THSD7B: variants seen among roughly 807,000 people sequenced by gnomAD.
THSD7B encodes thrombospondin type-1 domain-containing protein 7B.
Under a neutral mutation model 213.6 loss-of-function variants are expected in THSD7B, and 138 were observed. That is an observed-to-expected ratio of 0.65 (90% CI 0.56 to 0.74). The LOEUF is 0.74. THSD7B is among the 30% of genes least tolerant of loss of function. The pLI, the probability that THSD7B is intolerant of heterozygous loss-of-function variation, is 0.00. For missense variants in THSD7B, 1,931 were observed against 1,991.5 expected (o/e 0.97, Z 0.58); for synonymous variants, 742 against 687.0 (o/e 1.08, Z -1.25).
At chr2:137,163,879 G>A (rs978365758) in intron 6 of THSD7B, among the ~76,000 whole-genome samples, 1 of 152,176 alleles carries the variant, frequency 6.6e-6, no homozygotes, top group African/African-American at 2.4e-5. Flanking sequence ...GGCCATGTTG[G>A]CAGTAAGGAT....
At chr2:136,824,247 A>G (rs964400998) in intron 1 of THSD7B, among the ~76,000 whole-genome samples, 6 of 152,080 alleles carry the variant, frequency 3.9e-5, no homozygotes, top group African/African-American at 1.2e-4. Flanking sequence ...ATACTCATTC[A>G]TTACATATAT....
chr2:137,060,437 C>G (rs192891394), intron 3 of THSD7B, among the ~76,000 whole-genome samples: 4 of 151,724 alleles, frequency 2.6e-5, no homozygotes, highest in African/African-American at 9.7e-5. Flanking sequence ...TCACTAAACC[C>G]AAAGTCAACT....
chr2:137,652,795 CACTTAGATTGCA>C (rs1683164725), intron 21 of THSD7B, among the ~76,000 whole-genome samples: 1 of 152,206 alleles, frequency 6.6e-6, no homozygotes, highest in South Asian at 2.1e-4. Context: ...ATGACAAGTT[CACTTAGATTGCA>C]AAGAAAATAA....
chr2:137,546,796 C>T (rs1209040501), intron 15 of THSD7B, among the ~76,000 whole-genome samples: 1 of 151,426 alleles, frequency 6.6e-6, no homozygotes, highest in Non-Finnish European at 1.5e-5. Context: ...ATTTTGTGGT[C>T]TTAATTGTTT....
chr2:137,470,189 A>G (rs984520220), intron 15 of THSD7B, among the ~76,000 whole-genome samples: 6 of 152,172 alleles, frequency 3.9e-5, no homozygotes, highest in Non-Finnish European at 8.8e-5. Context: ...TCACTTTCCC[A>G]GAACCTATTA....
rs1043224131 is a variant in THSD7B at position 137,141,258 on chromosome 2, A to G, written c.1370-18955A>G. Among the ~76,000 whole-genome samples, 5 of 152,142 alleles carry G rather than the reference A, an allele frequency of 3.3e-5. No individual in the cohort carries two copies. The East Asian group carries it at 9.6e-4, about 29-fold the overall frequency. ...TGAGCATTACCACAGCTCTGTGGTA[A>G]ACTAAGAGTGTGTCAGTGCCAGCTA... is the stretch of plus-strand genomic sequence containing the variant. On this transcript the variant is annotated intron_variant, in intron 5 of 27. Transcript: ENST00000409968.
intron 27 of THSD7B, among the ~76,000 whole-genome samples, chr2:137,675,885 A>C (rs575336897): frequency 1.3e-5 from 2 of 152,168 alleles, no homozygotes; most frequent in East Asian, 3.9e-4. Context: ...CAAGAAGTGT[A>C]CTGCAGGGTG....
At chr2:137,401,641 T>G (rs1267645079) in intron 12 of THSD7B, among the ~76,000 whole-genome samples, 1 of 151,144 alleles carries the variant, frequency 6.6e-6, no homozygotes, top group East Asian at 1.9e-4. Context: ...TTTCTTTTTT[T>G]TTTTTTTTTT....
chr2:137,539,581 G>A (rs2105190366), intron 15 of THSD7B, among the ~76,000 whole-genome samples: 1 of 151,764 alleles, frequency 6.6e-6, no homozygotes. Flanking sequence ...CTGGTCATGT[G>A]CAAACAGCTT....
Position 137,405,705 on chromosome 2 carries a change from A to G in THSD7B, c.2593A>G (p.Thr865Ala). Residue 865 changes from threonine (T) to alanine (A), a missense_variant, in exon 13 of 28, where the codon ACA becomes GCA. Physicochemically the swap from Thr to Ala is moderately conservative, Grantham distance 58 (BLOSUM62 0). Coordinates refer to ENST00000409968, the MANE Select transcript of THSD7B (RefSeq NM_001316349.2). ...NGMPLLVQEC[T>A]VPCREDCTFT... is the part of the protein sequence containing the mutation. ...CATGCCTCTCCTTGTGCAAGAATGC[A>G]CAGTCCCATGTCGAGAAGACTGCAC... 1 of 1,613,810 alleles carries G rather than the reference A, an allele frequency of 6.2e-7. No homozygotes were observed. Among genetic ancestry groups the G allele is most frequent in the South Asian group, 1.1e-5 (1 of 91,074 alleles).
At chr2:137,638,351 T>G (rs1682872995) in intron 20 of THSD7B, among the ~76,000 whole-genome samples, 2 of 152,072 alleles carry the variant, frequency 1.3e-5, no homozygotes, top group East Asian at 1.9e-4. Flanking sequence ...TTATCAGGGG[T>G]TTCCGCTTTT....
intron 1 of THSD7B, among the ~76,000 whole-genome samples, chr2:136,843,753 C>T (rs894107707): frequency 1.1e-4 from 17 of 152,132 alleles, no homozygotes; most frequent in Admixed American, 6.6e-5. Flanking sequence ...TTTCTCTGTA[C>T]TGAGTAGGCA....
intron 5 of THSD7B, among the ~76,000 whole-genome samples, chr2:137,129,615 A>C (rs988302589): frequency 6.6e-6 from 1 of 151,954 alleles, no homozygotes; most frequent in Non-Finnish European, 1.5e-5. Context: ...AATTTAAAAA[A>C]ATAGCTTTAG....
chr2:137,220,987 C>T (rs1253272481), intron 7 of THSD7B, among the ~76,000 whole-genome samples: 1 of 152,090 alleles, frequency 6.6e-6, no homozygotes, highest in Non-Finnish European at 1.5e-5. Flanking sequence ...GGAAGCAAAA[C>T]TATAGGGACA....
chr2:137,208,448 G>A (rs1681032779), intron 7 of THSD7B, among the ~76,000 whole-genome samples: 1 of 151,754 alleles, frequency 6.6e-6, no homozygotes, highest in Admixed American at 6.6e-5. Flanking sequence ...TTTTTATTTT[G>A]TCGTGCTTTA....
chr2:136,872,838 A>G (rs955601392), intron 1 of THSD7B, among the ~76,000 whole-genome samples: 3 of 141,340 alleles, frequency 2.1e-5, no homozygotes, highest in African/African-American at 7.8e-5. Flanking sequence ...AAAAAAAAAA[A>G]GCCAGGCATG....
At chr2:137,222,837 A>G (rs966123143) in intron 7 of THSD7B, among the ~76,000 whole-genome samples, 1 of 152,168 alleles carries the variant, frequency 6.6e-6, no homozygotes, top group Non-Finnish European at 1.5e-5. Flanking sequence ...GAGTGTTAGC[A>G]TAAGCCTGGA....
At chr2:137,238,525 C>T (rs1681818863) in intron 9 of THSD7B, among the ~76,000 whole-genome samples, 1 of 136,974 alleles carries the variant, frequency 7.3e-6, no homozygotes, top group Non-Finnish European at 1.6e-5. Context: ...GATAATGACA[C>T]TCATCTTTCT....
intron 2 of THSD7B, among the ~76,000 whole-genome samples, chr2:137,009,856 C>T (rs1047492713): frequency 6.6e-6 from 1 of 152,158 alleles, no homozygotes; most frequent in Non-Finnish European, 1.5e-5. Context: ...CACACATTGC[C>T]AATGTTCCCA....
Sources: allele counts gnomAD v4.1 joint callset (sites outside exome capture counted in the v4.1 genomes callset), GRCh38; gene constraint gnomAD v4.1.1; transcripts MANE v1.5; gene names NCBI Gene and HGNC (gene_info 2026-07-23, HGNC 2026-07-21).